The following BCO2 variants were observed in gnomAD, a reference collection of about 807,000 sequenced individuals.
BCO2 encodes the protein carotenoid-cleaving dioxygenase, mitochondrial.
A neutral mutation model predicts 65.8 loss-of-function variants in BCO2; 56 were observed. That is an observed-to-expected ratio of 0.85 (90% CI 0.69 to 1.06). The LOEUF (loss-of-function observed/expected upper bound fraction) is 1.06. BCO2 is among the 50% of genes least tolerant of loss of function. The pLI is 0.00. For missense variants in BCO2, 675 were observed against 698.5 expected, an observed-to-expected ratio of 0.97 and a Z score of 0.38; for synonymous variants, 233 against 242.3, an observed-to-expected ratio of 0.96 and a Z score of 0.36.
intron 2 of BCO2, 24 bp from the exon 3 acceptor site, chr11:112,193,446 ATATT>A (rs2135369163): frequency 6.3e-7 from 1 of 1,576,568 alleles, no homozygotes; most frequent in Non-Finnish European, 8.7e-7. Context: ...TTTCTTACTG[ATATT>A]TATTTATTTT....
At chr11:112,190,012 A>G (rs1369456461) in intron 2 of BCO2, among the ~76,000 whole-genome samples, 1 of 152,190 alleles carries the variant, frequency 6.6e-6, no homozygotes, top group East Asian at 1.9e-4. Flanking sequence ...TAGGCCAAAT[A>G]TCGTGGCTGA....
At chr11:112,196,812 TTCCTCC>T (rs139461446) in intron 5 of BCO2, among the ~76,000 whole-genome samples, 21,816 of 150,764 alleles carry the variant, frequency 0.14, 2,111 homozygotes, top group South Asian at 0.37. Context: ...ACCTCCTCCT[TTCCTCC>T]TCCTCCTCCT....
At chr11:112,180,761 G>A in intron 2 of BCO2, 2 of 932,898 alleles carry the variant, frequency 2.1e-6, no homozygotes, top group Non-Finnish European at 3.6e-6. Flanking sequence ...AGGACCCAGT[G>A]GGGGCAGCGT....
At chr11:112,180,943 G>A in intron 2 of BCO2, 4 of 1,134,964 alleles carry the variant, frequency 3.5e-6, no homozygotes, top group Non-Finnish European at 4.0e-6. Context: ...CTTTGAACAG[G>A]GATGATGATG....
chr11:112,195,193 T>C lies in BCO2; in HGVS notation c.736+438T>C, dbSNP rs1048930767. Among the ~76,000 whole-genome samples the C allele has an allele frequency of 4.3e-4, 6 of 13,974 alleles. 1 individual carries two copies. The highest frequency in any genetic ancestry group is 5.1e-4 in the Non-Finnish European group (5 of 9,830). The allele number at this position is 13,974 out of a possible 152,430, so 9.2% of individuals were successfully genotyped here. A position where few individuals can be genotyped will look rare whatever the true frequency, so the allele number is the denominator to read the frequency against. Reference sequence around the variant, plus strand: ...GCTCTGTTGCCAGGCAGGAGTGCAGTGGCGCAATCTCGCTCATTGCAACCT... The same window carrying C: ...GCTCTGTTGCCAGGCAGGAGTGCAGCGGCGCAATCTCGCTCATTGCAACCT... On this transcript the variant is annotated intron_variant, in intron 5 of 11. Coordinates refer to ENST00000357685, the MANE Select transcript of BCO2 (RefSeq NM_031938.7).
intron 2 of BCO2, chr11:112,180,688 G>A (rs1216284433): frequency 7.9e-6 from 6 of 763,268 alleles, no homozygotes; most frequent in Non-Finnish European, 1.5e-5. Context: ...TGGGTGGAGG[G>A]GGGGAAGGGC....
intron 7 of BCO2, among the ~76,000 whole-genome samples, chr11:112,201,257 C>A (rs1867723569): frequency 2.0e-5 from 3 of 152,018 alleles, no homozygotes; most frequent in Admixed American, 2.0e-4. Flanking sequence ...AAGTGAGTCT[C>A]CTGCCTCAGC....
At chr11:112,182,852 T>TAC in intron 2 of BCO2, 3 of 901,992 alleles carry the variant, frequency 3.3e-6, no homozygotes, top group Non-Finnish European at 5.3e-6. Flanking sequence ...TATATATATA[T>TAC]AAAAAGATGC....
At chr11:112,178,694 A>G (rs1331567134) in intron 1 of BCO2, among the ~76,000 whole-genome samples, 5 of 152,230 alleles carry the variant, frequency 3.3e-5, no homozygotes, top group Non-Finnish European at 7.3e-5. Context: ...ATATCACTGC[A>G]TAATTTAATT....
chr11:112,214,716 A>G, intron 9 of BCO2, 46 bp from the exon 10 acceptor site: 3 of 1,546,338 alleles, frequency 1.9e-6, no homozygotes, highest in Non-Finnish European at 2.7e-6. Context: ...TAAGAGGAAA[A>G]TAAGAATTAA....
At chr11:112,213,682 C>A in intron 8 of BCO2, 42 bp from the exon 9 acceptor site, 1 of 1,588,650 alleles carries the variant, frequency 6.3e-7, no homozygotes, top group South Asian at 1.1e-5. Flanking sequence ...ATACTGTTAC[C>A]ATATGAATGA....
At position 112,200,717 on chromosome 11, in the gene BCO2, A is replaced by T; in HGVS notation, c.970A>T (p.Ser324Cys). The T allele has an allele frequency of 6.2e-7, 1 of 1,614,038 alleles. No homozygotes were observed. The highest frequency in any genetic ancestry group is 8.5e-7 in the Non-Finnish European group (1 of 1,179,992). ...GGGAAAGGCCTTTTCAGATGGGATAAGCTGGGAACCCCAGTGTAATACGCG... is the reference window on the plus strand; with the variant it reads ...GGGAAAGGCCTTTTCAGATGGGATATGCTGGGAACCCCAGTGTAATACGCG... ...IRGKAFSDGISWEPQCNTRFH... is the reference protein window; with the variant it reads ...IRGKAFSDGICWEPQCNTRFH... Residue 324 changes from serine (S) to cysteine (C), a missense_variant, in exon 7 of 12, where the codon AGC becomes TGC. Coordinates refer to ENST00000357685, the MANE Select transcript of BCO2 (RefSeq NM_031938.7).
chr11:112,206,309 G>A (rs184105254), intron 8 of BCO2, among the ~76,000 whole-genome samples: 107 of 146,628 alleles, frequency 7.3e-4, no homozygotes, highest in African/African-American at 2.6e-3. Flanking sequence ...CTCCTGGGGC[G>A]GCAGGGGCGG....
intron 2 of BCO2, chr11:112,181,176 C>CTTTATTTT: frequency 1.6e-6 from 1 of 616,306 alleles, no homozygotes; most frequent in Non-Finnish European, 2.7e-6. Context: ...GATAGAGGAG[C>CTTTATTTT]TTTCTTTTTT....
intron 2 of BCO2, among the ~76,000 whole-genome samples, chr11:112,186,905 CT>C (rs1867215508): frequency 6.6e-6 from 1 of 152,110 alleles, no homozygotes. Flanking sequence ...GCGTCAGCAC[CT>C]TTAGTCTCTA....
intron 8 of BCO2, among the ~76,000 whole-genome samples, chr11:112,208,420 C>CTTTT (rs56317720): frequency 4.9e-5 from 7 of 142,994 alleles, no homozygotes; most frequent in Non-Finnish European, 9.1e-5. Context: ...TGTATATTGG[C>CTTTT]TTTTTTTTTT....
chr11:112,193,337 T>A (rs896747867), intron 2 of BCO2, 137 bp from the exon 3 acceptor site: 30 of 813,112 alleles, frequency 3.7e-5, no homozygotes, highest in Non-Finnish European at 4.8e-5. Flanking sequence ...AATTTCAAGT[T>A]CTCTGACTAA....
intron 11 of BCO2, among the ~76,000 whole-genome samples, chr11:112,217,172 G>A (rs1458157542): frequency 1.3e-5 from 2 of 152,226 alleles, no homozygotes; most frequent in Non-Finnish European, 2.9e-5. Flanking sequence ...GAAATTCTGT[G>A]AAGGTGATTG....
intron 1 of BCO2, among the ~76,000 whole-genome samples, chr11:112,177,891 A>C (rs1866926239): frequency 1.4e-5 from 2 of 145,242 alleles, no homozygotes; most frequent in South Asian, 4.4e-4. Flanking sequence ...ATAGACCTTG[A>C]CCAATTAATG....
Sources: allele counts gnomAD v4.1 joint callset (sites outside exome capture counted in the v4.1 genomes callset), GRCh38; gene constraint gnomAD v4.1.1; transcripts MANE v1.5; gene names NCBI Gene and HGNC (gene_info 2026-07-23, HGNC 2026-07-21).